The following C12orf42 variants were observed in gnomAD, a reference collection of about 807,000 sequenced individuals.
The protein encoded by C12orf42 is chromosome 12 open reading frame 42.
Under a neutral mutation model 21.6 loss-of-function variants are expected in C12orf42, and 25 were observed. The observed-to-expected ratio is 1.16, with a 90% confidence interval of 0.84 to 1.62. The LOEUF is 1.62. C12orf42 is among the 40% of genes most tolerant of loss of function. C12orf42 has a pLI of 0.00. For synonymous variants in C12orf42, 174 were observed against 175.0 expected (o/e 0.99, Z 0.05); for missense variants, 483 against 459.3 (o/e 1.05, Z -0.47).
intron 2 of C12orf42, among the ~76,000 whole-genome samples, chr12:103,434,908 G>C: frequency 6.6e-6 from 1 of 152,250 alleles, no homozygotes; most frequent in Non-Finnish European, 1.5e-5. Context: ...CACAGCTCAA[G>C]GAGGCCTGCC....
At chr12:103,365,689 A>C (rs1254912538) in intron 4 of C12orf42, among the ~76,000 whole-genome samples, 4 of 152,100 alleles carry the variant, frequency 2.6e-5, no homozygotes, top group Non-Finnish European at 5.9e-5. Flanking sequence ...ATAGTGACCA[A>C]GCTAAGAATC....
At chr12:103,324,791 G>A (rs982119521) in intron 4 of C12orf42, among the ~76,000 whole-genome samples, 2 of 152,126 alleles carry the variant, frequency 1.3e-5, no homozygotes, top group African/African-American at 4.8e-5. Context: ...AGAATTATTT[G>A]GAAGAAAAAA....
chr12:103,266,514 T>C (rs2035179647), downstream of C12orf42, among the ~76,000 whole-genome samples: 2 of 152,116 alleles, frequency 1.3e-5, no homozygotes, highest in African/African-American at 4.8e-5. Context: ...TTCTAAATTC[T>C]GAAGAATTAA....
At chr12:103,384,665 G>C (rs577023188) in intron 3 of C12orf42, among the ~76,000 whole-genome samples, 5 of 152,078 alleles carry the variant, frequency 3.3e-5, no homozygotes, top group African/African-American at 1.2e-4. Flanking sequence ...ACCAATCAGA[G>C]ACTAAAGAGC....
chr12:103,259,961 A>T (rs548655734), intron 10 of C12orf42, among the ~76,000 whole-genome samples: 3 of 152,222 alleles, frequency 2.0e-5, no homozygotes, highest in South Asian at 2.1e-4. Flanking sequence ...TCAGATAGTT[A>T]AAAAAATGGA....
At chr12:103,292,800 A>G (rs1244031635) in intron 4 of C12orf42, among the ~76,000 whole-genome samples, 1 of 152,132 alleles carries the variant, frequency 6.6e-6, no homozygotes, top group Non-Finnish European at 1.5e-5. Flanking sequence ...ATCTAAAGAA[A>G]ATATATCCCT....
chr12:103,097,574 C>T, the C12orf42 span, among the ~76,000 whole-genome samples: 13 of 152,282 alleles, frequency 8.5e-5, no homozygotes, highest in Admixed American at 7.2e-4. Context: ...GCTGCTTTAA[C>T]ATTTTGCACT....
the C12orf42 span, among the ~76,000 whole-genome samples, chr12:103,048,031 T>TA: frequency 0.21 from 31,796 of 151,954 alleles, 3,994 homozygotes; most frequent in East Asian, 0.7. Flanking sequence ...AAAGGAGCCT[T>TA]TTACCAGGAG....
At chr12:103,280,929 A>C (rs2036075903) in intron 4 of C12orf42, among the ~76,000 whole-genome samples, 1 of 152,180 alleles carries the variant, frequency 6.6e-6, no homozygotes, top group Non-Finnish European at 1.5e-5. Flanking sequence ...CCAAAGTCCA[A>C]ATGCTGAACT....
chr12:103,413,440 T>C (rs1372334007), intron 2 of C12orf42, among the ~76,000 whole-genome samples: 1 of 151,944 alleles, frequency 6.6e-6, no homozygotes, highest in Non-Finnish European at 1.5e-5. Flanking sequence ...ACAAGCTCTT[T>C]TTTCATTCCA....
At chr12:103,347,169 C>T (rs1403320417) in intron 4 of C12orf42, among the ~76,000 whole-genome samples, 1 of 152,100 alleles carries the variant, frequency 6.6e-6, no homozygotes, top group African/African-American at 2.4e-5. Flanking sequence ...CAACTTGTCA[C>T]CTATATTAGG....
At chr12:103,090,992 A>AG in the C12orf42 span, among the ~76,000 whole-genome samples, 1 of 152,128 alleles carries the variant, frequency 6.6e-6, no homozygotes, top group South Asian at 2.1e-4. Flanking sequence ...AAAAAAAAAA[A>AG]AAGAATACAA....
At chr12:103,391,067 C>T (rs1159006707) in intron 3 of C12orf42, among the ~76,000 whole-genome samples, 1 of 152,150 alleles carries the variant, frequency 6.6e-6, no homozygotes, top group Non-Finnish European at 1.5e-5. Flanking sequence ...TTTGCTCTTT[C>T]GTGTCTGGTT....
the C12orf42 span, among the ~76,000 whole-genome samples, chr12:103,126,490 G>C: frequency 6.6e-6 from 1 of 152,176 alleles, no homozygotes; most frequent in Non-Finnish European, 1.5e-5. Flanking sequence ...GTTAGTTTCA[G>C]ATCTATTAAT....
At chr12:103,535,476 T>C in the C12orf42 span, among the ~76,000 whole-genome samples, 2 of 151,844 alleles carry the variant, frequency 1.3e-5, no homozygotes, top group Non-Finnish European at 2.9e-5. Context: ...GTGGCTATAG[T>C]GCTTATATGA....
the C12orf42 span, among the ~76,000 whole-genome samples, chr12:103,076,647 T>C: frequency 4.6e-5 from 7 of 152,204 alleles, no homozygotes; most frequent in Non-Finnish European, 2.9e-5. Context: ...TTGTAAAATA[T>C]CTAACTGAAA....
At chr12:103,501,870 G>T in the C12orf42 span, among the ~76,000 whole-genome samples, 1 of 151,904 alleles carries the variant, frequency 6.6e-6, no homozygotes, top group East Asian at 1.9e-4. Flanking sequence ...TTTTAAAAAA[G>T]ACATTTTTTT....
the C12orf42 span, among the ~76,000 whole-genome samples, chr12:103,547,286 G>A: frequency 0.13 from 20,483 of 152,104 alleles, 1,663 homozygotes; most frequent in East Asian, 0.27. Context: ...CAAGGGCTCC[G>A]CAGACATTTG....
the C12orf42 span, among the ~76,000 whole-genome samples, chr12:103,065,445 C>A: frequency 1.3e-5 from 2 of 152,182 alleles, no homozygotes; most frequent in African/African-American, 4.8e-5. Flanking sequence ...CAGCAATATA[C>A]CTTTACTGTC....
Sources: gnomAD v4.1 joint callset for allele counts (sites outside exome capture counted in the v4.1 genomes callset) on GRCh38, gnomAD v4.1.1 for gene constraint, MANE v1.5 for transcripts, NCBI Gene and HGNC (gene_info 2026-07-23, HGNC 2026-07-21) for gene names.